FLT1: variants seen among roughly 807,000 people sequenced by gnomAD.
FLT1 encodes fms related receptor tyrosine kinase 1.
A neutral mutation model predicts 156.3 loss-of-function variants in FLT1; 49 were observed. The ratio of observed to expected loss-of-function variants is 0.31; its 90% CI spans 0.25 to 0.40. The LOEUF (loss-of-function observed/expected upper bound fraction) is 0.40. Ranked by LOEUF, FLT1 falls within the 10% of genes least tolerant of loss-of-function variation. The pLI, the probability that FLT1 is intolerant of heterozygous loss-of-function variation, is 1.00. For synonymous variants in FLT1, 594 were observed against 583.8 expected (o/e 1.02, Z -0.25); for missense variants, 1,322 against 1,637.2 (o/e 0.81, Z 3.32).
intron 1 of FLT1, among the ~76,000 whole-genome samples, chr13:28,473,757 GGAAGGAAGGAAGGAAGGAAGGAAAGAAA>G (rs1880342946): frequency 3.6e-5 from 3 of 82,562 alleles, no homozygotes; most frequent in Non-Finnish European, 7.3e-5. Flanking sequence ...AAGGAAGGAA[GGAAGGAAGGAAGGAAGGAAGGAAAGAAA>G]GAAAGAAAGA....
At chr13:28,315,623 A>G (rs190625686) in intron 25 of FLT1, among the ~76,000 whole-genome samples, 1 of 136,148 alleles carries the variant, frequency 7.3e-6, no homozygotes, top group Non-Finnish European at 1.5e-5. Context: ...GGAAGTAAAA[A>G]TAAAACTTAA....
intron 14 of FLT1, among the ~76,000 whole-genome samples, chr13:28,381,135 T>A (rs1874064204): frequency 1.3e-5 from 2 of 152,232 alleles, no homozygotes; most frequent in Admixed American, 1.3e-4. Context: ...TCTGATTCTT[T>A]AACCCACTTC....
At chr13:28,318,697 G>T (rs937175579) in intron 24 of FLT1, among the ~76,000 whole-genome samples, 3 of 152,124 alleles carry the variant, frequency 2.0e-5, no homozygotes, top group African/African-American at 4.8e-5. Context: ...GATGTTACTG[G>T]GTGACTTTTA....
chr13:28,413,692 A>G (rs1452893287), intron 10 of FLT1, among the ~76,000 whole-genome samples: 1 of 152,230 alleles, frequency 6.6e-6, no homozygotes, highest in Non-Finnish European at 1.5e-5. Flanking sequence ...GCATTCACTC[A>G]GTGGAGAATA....
chr13:28,420,796 A>T (rs554950665), intron 10 of FLT1, among the ~76,000 whole-genome samples: 1 of 152,206 alleles, frequency 6.6e-6, no homozygotes, highest in Non-Finnish European at 1.5e-5. Context: ...TTAATTTTAC[A>T]TACCCCACTG....
chr13:28,387,702 C>T (rs7325639), intron 13 of FLT1: 918,832 of 956,880 alleles, frequency 0.96, 441,180 homozygotes, highest in East Asian at 0.98. Flanking sequence ...CCTTTTTTCT[C>T]CTTTTTTTTT....
At chr13:28,465,553 A>T (rs904573398) in intron 3 of FLT1, among the ~76,000 whole-genome samples, 1 of 152,112 alleles carries the variant, frequency 6.6e-6, no homozygotes, top group Admixed American at 6.5e-5. Flanking sequence ...AATTAAAAAA[A>T]ATCTCATGGC....
chr13:28,486,415 A>C (rs1429701833), intron 1 of FLT1, among the ~76,000 whole-genome samples: 1 of 152,250 alleles, frequency 6.6e-6, no homozygotes, highest in Non-Finnish European at 1.5e-5. Flanking sequence ...TGATCCCAGC[A>C]CCGGAAATGC....
intron 17 of FLT1, among the ~76,000 whole-genome samples, chr13:28,335,241 G>T (rs1170793245): frequency 6.6e-6 from 1 of 152,026 alleles, no homozygotes; most frequent in Non-Finnish European, 1.5e-5. Flanking sequence ...GGCTTTTCTT[G>T]GGGGAAGGGG....
intron 15 of FLT1, among the ~76,000 whole-genome samples, chr13:28,350,068 A>C (rs1192488456): frequency 3.3e-5 from 5 of 152,154 alleles, no homozygotes; most frequent in South Asian, 2.1e-4. Context: ...GACTAAACCC[A>C]GCTTCAATTT....
chr13:28,319,893 C>G (rs749643598), intron 23 of FLT1, among the ~76,000 whole-genome samples: 19 of 152,132 alleles, frequency 1.2e-4, no homozygotes, highest in Non-Finnish European at 2.5e-4. Context: ...TTGAAGATAT[C>G]CTGAAAACTG....
chr13:28,484,233 T>C (rs1881017909), intron 1 of FLT1, among the ~76,000 whole-genome samples: 1 of 152,350 alleles, frequency 6.6e-6, no homozygotes, highest in African/African-American at 2.4e-5. Context: ...TGAGGTATTT[T>C]AGTTTCATTC....
intron 16 of FLT1, among the ~76,000 whole-genome samples, chr13:28,345,132 G>A (rs1308983428): frequency 6.6e-6 from 1 of 152,022 alleles, no homozygotes; most frequent in East Asian, 1.9e-4. Flanking sequence ...GAGAGTGAGC[G>A]TTAGGAAATA....
At chr13:28,476,449 A>T (rs774379226) in intron 1 of FLT1, among the ~76,000 whole-genome samples, 1 of 152,176 alleles carries the variant, frequency 6.6e-6, no homozygotes. Context: ...TAATTGTGTT[A>T]TTGGTCTTTA....
chr13:28,378,255 G>T (rs1873930439), intron 14 of FLT1, among the ~76,000 whole-genome samples: 1 of 152,036 alleles, frequency 6.6e-6, no homozygotes. Context: ...CACCATGTTG[G>T]CCAGGATGGT....
At chr13:28,405,656 C>T in intron 11 of FLT1, 124 bp downstream of exon 11, 1 of 707,326 alleles carries the variant, frequency 1.4e-6, no homozygotes, top group South Asian at 1.5e-5. Context: ...CAGATATTGT[C>T]TTTCTTCTCT....
intron 1 of FLT1, among the ~76,000 whole-genome samples, chr13:28,485,167 G>C (rs1881080760): frequency 6.6e-6 from 1 of 151,998 alleles, no homozygotes; most frequent in Non-Finnish European, 1.5e-5. Flanking sequence ...TACATATATT[G>C]ATTGTATAGT....
At chr13:28,335,155 T>C (rs528108010) in intron 17 of FLT1, among the ~76,000 whole-genome samples, 40 of 152,196 alleles carry the variant, frequency 2.6e-4, no homozygotes, top group African/African-American at 9.4e-4. Context: ...AACAGCTCAA[T>C]AGAACCCAGA....
rs535679471 is a variant in FLT1, at chr13:28,315,919, G to C, written c.3386+1579C>G. Among the ~76,000 whole-genome samples, 5 of 152,178 alleles carry C rather than the reference G, an allele frequency of 3.3e-5. No individual in the cohort carries two copies. In the South Asian group the frequency reaches 1.0e-3, roughly 32 times the overall value. On this transcript the variant is annotated intron_variant, in intron 25 of 29. Transcript: ENST00000282397. ...CAGACGGCACATTGCTTCAGTTCTC[G>C]GCATCTCAGTTTCATTACTTGCTAA...
Sources: gnomAD v4.1 joint callset for allele counts (sites outside exome capture counted in the v4.1 genomes callset) on GRCh38, gnomAD v4.1.1 for gene constraint, MANE v1.5 for transcripts, NCBI Gene and HGNC (gene_info 2026-07-23, HGNC 2026-07-21) for gene names.